CACNA2D3: variants seen among roughly 807,000 people sequenced by gnomAD.
CACNA2D3 encodes the protein voltage-dependent calcium channel subunit alpha-2/delta-3.
Under a neutral mutation model 160.6 loss-of-function variants are expected in CACNA2D3, and 60 were observed. The ratio of observed to expected loss-of-function variants is 0.37; its 90% CI spans 0.30 to 0.46. The LOEUF (loss-of-function observed/expected upper bound fraction) is 0.46, where lower values mean the gene tolerates loss of function less well. Among genes scored for constraint, CACNA2D3 ranks in the 20% least tolerant of loss-of-function variants. The pLI is 1.00. For synonymous variants in CACNA2D3, 558 were observed against 492.9 expected, an observed-to-expected ratio of 1.13 and a Z score of -1.75; for missense variants, 1,205 against 1,365.0, an observed-to-expected ratio of 0.88 and a Z score of 1.85.
chr3:54,348,810 C>T (rs1277717117), intron 3 of CACNA2D3, among the ~76,000 whole-genome samples: 4 of 152,200 alleles, frequency 2.6e-5, no homozygotes, highest in African/African-American at 7.2e-5. Context: ...CTCACTGCAA[C>T]CTCCACCTCC....
At chr3:54,393,631 A>T (rs971580391) in intron 4 of CACNA2D3, among the ~76,000 whole-genome samples, 1 of 152,200 alleles carries the variant, frequency 6.6e-6, no homozygotes, top group Non-Finnish European at 1.5e-5. Flanking sequence ...CATCCTGGGG[A>T]ATTGGTGCCT....
At chr3:54,219,011 C>T (rs184541555) in intron 2 of CACNA2D3, among the ~76,000 whole-genome samples, 2 of 152,170 alleles carry the variant, frequency 1.3e-5, no homozygotes, top group Admixed American at 6.5e-5. Flanking sequence ...TACATATTCA[C>T]CAGTTCTGGG....
chr3:54,829,988 A>G (rs28574779), intron 14 of CACNA2D3, among the ~76,000 whole-genome samples: 1 of 147,804 alleles, frequency 6.8e-6, no homozygotes, highest in South Asian at 2.2e-4. Flanking sequence ...TCTGCCTCCC[A>G]GGTTCAAGCA....
chr3:54,262,043 G>A (rs1268212797), intron 2 of CACNA2D3, among the ~76,000 whole-genome samples: 1 of 152,094 alleles, frequency 6.6e-6, no homozygotes, highest in African/African-American at 2.4e-5. Flanking sequence ...GGGGGAGGGA[G>A]CAGGAGTTTT....
chr3:54,798,980 GT>G (rs1418057278), intron 13 of CACNA2D3, among the ~76,000 whole-genome samples: 1 of 152,114 alleles, frequency 6.6e-6, no homozygotes, highest in African/African-American at 2.4e-5. Flanking sequence ...AAATGATAGA[GT>G]AATTTATTTT....
At chr3:55,060,438 T>A (rs1388223741) in intron 35 of CACNA2D3, among the ~76,000 whole-genome samples, 7 of 152,176 alleles carry the variant, frequency 4.6e-5, no homozygotes, top group Non-Finnish European at 1.0e-4. Flanking sequence ...ATCAAGCAGG[T>A]CTAGCTCTGT....
In CACNA2D3 at chr3:54,803,430, C is replaced by T. The variant is rs191401766; in HGVS notation, c.1381-13423C>T. Among the ~76,000 whole-genome samples, 383 of 151,994 alleles carry T rather than the reference C, an allele frequency of 2.5e-3. 1 individual carries two copies. The highest frequency in any genetic ancestry group is 4.0e-3 in the Non-Finnish European group (272 of 67,976). ...TGAAGAATGCAGAAGCCTCAGGAGC[C>T]GATGTGATCAACTGGAAGAAAGGGT... On this transcript the variant is annotated intron_variant, in intron 13 of 37. Coordinates refer to ENST00000474759, the MANE Select transcript of CACNA2D3 (RefSeq NM_018398.3).
At chr3:54,488,614 C>A (rs1188797980) in intron 4 of CACNA2D3, among the ~76,000 whole-genome samples, 1 of 152,120 alleles carries the variant, frequency 6.6e-6, no homozygotes, top group African/African-American at 2.4e-5. Context: ...GCCGTGTCCT[C>A]AGGCCACGGT....
chr3:54,888,893 CAGAT>C (rs1699992350), intron 24 of CACNA2D3, among the ~76,000 whole-genome samples: 1 of 152,186 alleles, frequency 6.6e-6, no homozygotes, highest in Admixed American at 6.5e-5. Context: ...AGAAACCACA[CAGAT>C]AGAGCCCTTA....
chr3:54,945,377 G>A (rs1390119548), intron 27 of CACNA2D3, among the ~76,000 whole-genome samples: 1 of 152,128 alleles, frequency 6.6e-6, no homozygotes, highest in Non-Finnish European at 1.5e-5. Context: ...GGCCAAGTAG[G>A]GCCACCCTGT....
chr3:54,598,151 C>A (rs532025598), intron 9 of CACNA2D3, among the ~76,000 whole-genome samples: 13 of 148,822 alleles, frequency 8.7e-5, no homozygotes, highest in Non-Finnish European at 1.8e-4. Context: ...ACAACAACAA[C>A]AAAAAAATTA....
intron 5 of CACNA2D3, among the ~76,000 whole-genome samples, chr3:54,549,735 T>C (rs917376448): frequency 3.3e-5 from 5 of 152,212 alleles, no homozygotes; most frequent in Non-Finnish European, 7.3e-5. Context: ...CTACACGCAT[T>C]TGTACAGTTC....
chr3:54,798,407 G>A (rs756269466), intron 13 of CACNA2D3, among the ~76,000 whole-genome samples: 1 of 152,054 alleles, frequency 6.6e-6, no homozygotes, highest in Non-Finnish European at 1.5e-5. Flanking sequence ...GCGTTGGCAT[G>A]TACCTGTAGT....
chr3:54,228,924 A>G (rs1701721121), intron 2 of CACNA2D3, among the ~76,000 whole-genome samples: 1 of 152,200 alleles, frequency 6.6e-6, no homozygotes, highest in African/African-American at 2.4e-5. Context: ...AGATCTTTCC[A>G]GAGGCCAGTT....
chr3:54,949,619 C>A (rs926280358), intron 27 of CACNA2D3, among the ~76,000 whole-genome samples: 9 of 152,210 alleles, frequency 5.9e-5, no homozygotes, highest in Non-Finnish European at 8.8e-5. Flanking sequence ...TCAACATTCT[C>A]AAGCGCATTG....
intron 3 of CACNA2D3, among the ~76,000 whole-genome samples, chr3:54,338,104 G>T (rs1365846151): frequency 6.6e-6 from 1 of 152,224 alleles, no homozygotes; most frequent in Non-Finnish European, 1.5e-5. Context: ...GAAGTAAACA[G>T]TTCTGAAACT....
chr3:54,392,799 A>G (rs963189910), intron 4 of CACNA2D3, among the ~76,000 whole-genome samples: 3 of 152,186 alleles, frequency 2.0e-5, no homozygotes, highest in Middle Eastern at 3.2e-3. Context: ...AAGGAAACCC[A>G]GGAAAGGAGA....
intron 4 of CACNA2D3, among the ~76,000 whole-genome samples, chr3:54,465,142 C>A (rs995056341): frequency 1.3e-5 from 2 of 151,630 alleles, no homozygotes; most frequent in Admixed American, 6.6e-5. Flanking sequence ...CTGTCGTTAA[C>A]AAATTCAGTT....
intron 11 of CACNA2D3, among the ~76,000 whole-genome samples, chr3:54,646,545 A>T (rs779285529): frequency 6.6e-6 from 1 of 151,594 alleles, no homozygotes; most frequent in Non-Finnish European, 1.5e-5. Flanking sequence ...ATGGCTTCCA[A>T]CTCTAACCAT....
Sources: gnomAD v4.1 joint callset for allele counts (sites outside exome capture counted in the v4.1 genomes callset) on GRCh38, gnomAD v4.1.1 for gene constraint, MANE v1.5 for transcripts, NCBI Gene and HGNC (gene_info 2026-07-23, HGNC 2026-07-21) for gene names.